Variants in C3orf20 observed in about 807,000 individuals in gnomAD.
C3orf20 encodes the protein family with sequence similarity 149 member C, also known as uncharacterized protein C3orf20.
Under a neutral mutation model 88.3 loss-of-function variants are expected in C3orf20, and 76 were observed. That is an observed-to-expected ratio of 0.86 (90% CI 0.72 to 1.04). C3orf20 has a LOEUF of 1.04. C3orf20 is among the 50% of genes least tolerant of loss of function. C3orf20 has a pLI of 0.00. For missense variants in C3orf20, 1,056 were observed against 1,123.3 expected (o/e 0.94, Z 0.86); for synonymous variants, 436 against 437.4 (o/e 1.00, Z 0.04).
chr3:14,754,559 G>T (rs979253312), intron 12 of C3orf20, among the ~76,000 whole-genome samples: 3 of 152,192 alleles, frequency 2.0e-5, no homozygotes, highest in Non-Finnish European at 4.4e-5. Context: ...GTTGTTGCAA[G>T]TTTTTTCATT....
intron 4 of C3orf20, among the ~76,000 whole-genome samples, chr3:14,685,520 T>G (rs1471552189): frequency 6.7e-6 from 1 of 148,920 alleles, no homozygotes; most frequent in Non-Finnish European, 1.5e-5. Flanking sequence ...GTATGTGTGT[T>G]AAGAACACAA....
intron 5 of C3orf20, among the ~76,000 whole-genome samples, chr3:14,697,556 TA>T (rs1214082835): frequency 2.6e-5 from 4 of 152,194 alleles, no homozygotes; most frequent in African/African-American, 9.6e-5. Flanking sequence ...AAATTTTTAT[TA>T]TTTTTTTATT....
intron 12 of C3orf20, among the ~76,000 whole-genome samples, chr3:14,748,173 A>G (rs1012014134): frequency 6.6e-6 from 1 of 152,026 alleles, no homozygotes; most frequent in African/African-American, 2.4e-5. Flanking sequence ...TTCAGATTAT[A>G]TATTTCTTCT....
At chr3:14,748,618 G>A (rs1461949627) in intron 12 of C3orf20, among the ~76,000 whole-genome samples, 4 of 152,090 alleles carry the variant, frequency 2.6e-5, no homozygotes, top group African/African-American at 9.7e-5. Context: ...GTTGCTCTCA[G>A]TGTATCCCTT....
At chr3:14,709,394 A>G (rs1372462715) in intron 7 of C3orf20, among the ~76,000 whole-genome samples, 1 of 152,158 alleles carries the variant, frequency 6.6e-6, no homozygotes, top group African/African-American at 2.4e-5. Context: ...CAGAACTTTC[A>G]ATACAATTTT....
chr3:14,750,523 C>T (rs1440589175), intron 12 of C3orf20, among the ~76,000 whole-genome samples: 2 of 149,958 alleles, frequency 1.3e-5, no homozygotes, highest in Non-Finnish European at 2.9e-5. Flanking sequence ...CTACTGCATT[C>T]CAGCCCAGGT....
chr3:14,699,264 A>G (rs771660589), intron 5 of C3orf20, among the ~76,000 whole-genome samples: 1 of 152,212 alleles, frequency 6.6e-6, no homozygotes, highest in Non-Finnish European at 1.5e-5. Context: ...GAGCTAGTAC[A>G]TAAGGTGCAA....
At chr3:14,733,207 T>G (rs1038374368) in intron 12 of C3orf20, among the ~76,000 whole-genome samples, 4 of 152,218 alleles carry the variant, frequency 2.6e-5, no homozygotes, top group African/African-American at 9.6e-5. Flanking sequence ...GTAATGTTTT[T>G]ATCTATTGAG....
chr3:14,772,754 G>C lies in C3orf20; in HGVS notation c.2631-37G>C, dbSNP rs750112153. 1.3e-6 allele frequency: 2 copies of C among 1,559,036 alleles called. No homozygotes were observed. Among genetic ancestry groups the C allele is most frequent in the Admixed American group, 3.3e-5 (2 of 59,776 alleles). On this transcript the variant is annotated intron_variant, in intron 16 of 16. Coordinates refer to ENST00000253697, the MANE Select transcript of C3orf20 (RefSeq NM_032137.5). This position sits in a 1 kb window ranked among gnomAD's most constrained non-coding sequence, Gnocchi z 4.2. ...TGGGCTCTGGGCACTGTGAAGAACA[G>C]CCCTTCCGCCTCCCGGCCCTCTATT...
intron 12 of C3orf20, among the ~76,000 whole-genome samples, chr3:14,733,744 A>C (rs1046639975): frequency 6.6e-6 from 1 of 151,358 alleles, no homozygotes; most frequent in Non-Finnish European, 1.5e-5. Context: ...GCTGGAGTGC[A>C]ATGGAGCCAT....
intron 12 of C3orf20, among the ~76,000 whole-genome samples, chr3:14,742,742 A>G (rs936095148): frequency 6.6e-5 from 10 of 152,322 alleles, no homozygotes; most frequent in African/African-American, 1.9e-4. Flanking sequence ...CCACATGGCT[A>G]GGGAGGCCTC....
chr3:14,683,029 G>A lies in C3orf20; in HGVS notation c.316G>A (p.Val106Met), dbSNP rs1490512948. 2 of 1,612,442 alleles carry A rather than the reference G, an allele frequency of 1.2e-6. No individual in the cohort carries two copies. The highest frequency in any genetic ancestry group is 1.7e-6 in the Non-Finnish European group (2 of 1,179,260). Reference sequence around the variant, plus strand: ...ACCACCACCAGCACCACCACGTCCAGTGCTGCTGGCAACCACTGGGGCAGC... The same window carrying A: ...ACCACCACCAGCACCACCACGTCCAATGCTGCTGGCAACCACTGGGGCAGC... The part of the protein sequence containing the change: ...PPPPPAPPRP[V>M]LLATTGAAKR... Residue 106 changes from valine (V) to methionine (M), a missense_variant, in exon 3 of 17, where the codon GTG (valine) becomes ATG (methionine). Transcript: ENST00000253697.
rs1029728643 is a variant in C3orf20, at chr3:14,709,109, A to G, written c.1160+4491A>G. The stretch of plus-strand genomic sequence containing the variant: ...AATAACAAAGAGGTACAGAACTTGT[A>G]CACTGAAAACTACAAAACATTGCCA... On this transcript the variant is annotated intron_variant, in intron 7 of 16. Coordinates refer to ENST00000253697, the MANE Select transcript of C3orf20 (RefSeq NM_032137.5). 2.6e-5 allele frequency among the ~76,000 whole-genome samples: 4 copies of G among 151,728 alleles called. No homozygotes were observed. The East Asian group carries it at 7.7e-4, about 29-fold the overall frequency.
intron 7 of C3orf20, among the ~76,000 whole-genome samples, chr3:14,707,880 C>T (rs1209757028): frequency 1.5e-5 from 2 of 131,570 alleles, no homozygotes; most frequent in Admixed American, 1.8e-4. Flanking sequence ...AGTACAATGA[C>T]GTGATCTCAG....
chr3:14,687,658 C>T (rs1398034114), intron 4 of C3orf20, among the ~76,000 whole-genome samples: 1 of 152,204 alleles, frequency 6.6e-6, no homozygotes, highest in African/African-American at 2.4e-5. Flanking sequence ...GGGCCTGACA[C>T]CTGCCTGAGC....
intron 12 of C3orf20, among the ~76,000 whole-genome samples, chr3:14,743,696 C>T (rs2034980872): frequency 6.6e-6 from 1 of 152,064 alleles, no homozygotes; most frequent in African/African-American, 2.4e-5. Context: ...CATCTGAAAT[C>T]TAGGTGGAGG....
rs760675473 is a variant in C3orf20 at position 14,721,783 on chromosome 3, G to A, written c.1565G>A (p.Arg522Gln). The A allele has an allele frequency of 4.3e-6, 7 of 1,614,092 alleles. No individual in the cohort carries two copies. The highest frequency in any genetic ancestry group is 1.7e-5 in the Admixed American group (1 of 60,014). Residue 522 changes from arginine to glutamine, a missense_variant and splice_region_variant, in exon 10 of 17, where the codon CGG becomes CAG. By Grantham distance (43) the Arg-to-Gln change is conservative (BLOSUM62 1). Transcript: ENST00000253697. ...NCPHGMAYDKRLNRRISNMDD... is the reference protein window; with the variant it reads ...NCPHGMAYDKQLNRRISNMDD... The stretch of plus-strand genomic sequence containing the variant: ...CCCCATGGAATGGCATATGACAAAC[G>A]GGTAAGGCAAGGCAGACTATGCACC...
intron 7 of C3orf20, among the ~76,000 whole-genome samples, 191 bp downstream of exon 7, chr3:14,704,809 C>T (rs967968798): frequency 3.3e-5 from 5 of 152,170 alleles, no homozygotes; most frequent in African/African-American, 1.2e-4. Flanking sequence ...AAGTTTCAAG[C>T]CTCACGTTCA....
chr3:14,682,543 G>C, intron 2 of C3orf20, 35 bp from the exon 3 acceptor site: 2 of 865,528 alleles, frequency 2.3e-6, no homozygotes, highest in Non-Finnish European at 3.5e-6. Flanking sequence ...ACTATGGGGA[G>C]AGTGACTAAC....
Sources: allele counts gnomAD v4.1 joint callset (sites outside exome capture counted in the v4.1 genomes callset), GRCh38; gene constraint gnomAD v4.1.1; non-coding constraint Gnocchi (gnomAD v3.1); transcripts MANE v1.5; gene names NCBI Gene and HGNC (gene_info 2026-07-23, HGNC 2026-07-21).